The following RORA variants were observed in gnomAD, a reference collection of about 807,000 sequenced individuals.
RORA encodes nuclear receptor ROR-alpha.
RORA carries 7 observed loss-of-function variants against 69.5 expected under a neutral mutation model. The observed-to-expected ratio is 0.10, with a 90% CI of 0.06 to 0.19. RORA has a LOEUF of 0.19. RORA is among the 10% of genes least tolerant of loss of function. The probability of loss-of-function intolerance (pLI) is 1.00; values close to 1 mark genes in which losing one functional copy is unlikely to be tolerated. For synonymous variants in RORA, 261 were observed against 240.8 expected, an observed-to-expected ratio of 1.08 and a Z score of -0.78; for missense variants, 457 against 663.0, an observed-to-expected ratio of 0.69 and a Z score of 3.41.
intron 1 of RORA, among the ~76,000 whole-genome samples, chr15:61,164,210 G>T (rs1311931268): frequency 2.0e-5 from 3 of 151,804 alleles, no homozygotes; most frequent in African/African-American, 7.3e-5. Flanking sequence ...TTCTGACTTT[G>T]AGTATAAGGT....
Position 60,492,530 on chromosome 15 carries a change from T to A in RORA, c.*4925A>T, listed in dbSNP as rs2065060725. On this transcript the variant is annotated 3_prime_UTR_variant, in exon 11 of 11. Transcript: ENST00000335670. ...GTATTTTAAAAACATATTTCATCTT[T>A]TACCTATATCACTGTACTGATAGGC... The A allele has an allele frequency of 6.6e-6, 1 of 152,154 alleles. No individual in the cohort carries two copies. Among genetic ancestry groups the A allele is most frequent in the Non-Finnish European group, 1.5e-5 (1 of 68,016 alleles). The allele number at this position is 152,154 out of a possible 1,614,324, so 9.4% of individuals were successfully genotyped here. A position where few individuals can be genotyped will look rare whatever the true frequency, so the allele number is the denominator to read the frequency against.
Position 61,034,380 on chromosome 15 carries a change from T to A in RORA, c.166+194673A>T, listed in dbSNP as rs1896342293. ...GTTTCTCAGACTGCTTGAGTCAGTC[T>A]ATATAGAGGCTATTCCTGGATCTTA... On this transcript the variant is annotated intron_variant, in intron 1 of 10. Coordinates refer to ENST00000335670, the MANE Select transcript of RORA (RefSeq NM_134261.3). Among the ~76,000 whole-genome samples the A allele has an allele frequency of 2.0e-5, 3 of 152,196 alleles. No homozygotes were observed. The South Asian group carries it at 6.2e-4, about 32-fold the overall frequency.
chr15:61,212,938 T>C (rs2080006574), intron 1 of RORA, among the ~76,000 whole-genome samples: 1 of 152,216 alleles, frequency 6.6e-6, no homozygotes. Flanking sequence ...TCCAGCTCTC[T>C]AGCCTGGCCC....
At chr15:60,586,621 A>G (rs1479832094) in intron 2 of RORA, among the ~76,000 whole-genome samples, 10 of 152,186 alleles carry the variant, frequency 6.6e-5, no homozygotes. Context: ...TGCTTGATAT[A>G]AAAAGACTTT....
intron 1 of RORA, among the ~76,000 whole-genome samples, chr15:60,746,389 C>A (rs945389109): frequency 6.6e-6 from 1 of 151,984 alleles, no homozygotes; most frequent in African/African-American, 2.4e-5. Context: ...GTATGCCCTG[C>A]AGGTGTGTAT....
intron 2 of RORA, among the ~76,000 whole-genome samples, chr15:60,556,073 A>G (rs927415665): frequency 2.0e-5 from 3 of 152,286 alleles, no homozygotes; most frequent in Admixed American, 6.5e-5. Context: ...CCCCCACTTG[A>G]AAGAGCAATA....
chr15:60,809,175 T>A (rs1401665372), intron 1 of RORA, among the ~76,000 whole-genome samples: 2 of 150,124 alleles, frequency 1.3e-5, no homozygotes, highest in Non-Finnish European at 3.0e-5. Context: ...ATTGAAAAAA[T>A]AAATTAAAAA....
intron 1 of RORA, among the ~76,000 whole-genome samples, chr15:60,755,975 T>C (rs939017568): frequency 2.0e-5 from 3 of 152,184 alleles, no homozygotes; most frequent in African/African-American, 4.8e-5. Flanking sequence ...ACCGTCCTGG[T>C]ACAGGGGATG....
intron 1 of RORA, among the ~76,000 whole-genome samples, chr15:60,922,763 A>C (rs1892091476): frequency 6.6e-6 from 1 of 152,228 alleles, no homozygotes; most frequent in Non-Finnish European, 1.5e-5. Context: ...GCTTCCTAAA[A>C]ACACCCAGAG....
intron 5 of RORA, among the ~76,000 whole-genome samples, chr15:60,506,844 G>C (rs1012034440): frequency 6.6e-6 from 1 of 152,094 alleles, no homozygotes; most frequent in Non-Finnish European, 1.5e-5. Context: ...AAAATTAGCT[G>C]GGCGTGGTGG....
intron 1 of RORA, among the ~76,000 whole-genome samples, chr15:61,218,175 T>TTGTGTG (rs72135304): frequency 0.053 from 7,922 of 148,320 alleles, 535 homozygotes; most frequent in African/African-American, 0.16. Context: ...CATGAAATGT[T>TTGTGTG]TGTGTGTGTG....
intron 2 of RORA, among the ~76,000 whole-genome samples, chr15:60,645,797 GT>G (rs11332010): frequency 0.4 from 56,528 of 139,596 alleles, 10,865 homozygotes; most frequent in East Asian, 0.62. Flanking sequence ...GTGAAATAGG[GT>G]TTTTTTTTTT....
intron 1 of RORA, among the ~76,000 whole-genome samples, chr15:60,866,275 A>G (rs2073486214): frequency 6.6e-6 from 1 of 152,022 alleles, no homozygotes; most frequent in Non-Finnish European, 1.5e-5. Context: ...GATTTGTTTT[A>G]GCTCCCACAT....
chr15:60,516,724 C>T (rs773850334), intron 3 of RORA, among the ~76,000 whole-genome samples: 5 of 151,980 alleles, frequency 3.3e-5, no homozygotes, highest in East Asian at 1.9e-4. Flanking sequence ...AAGGAATACA[C>T]GTTAAAGAAA....
At chr15:60,542,848 C>T (rs928911141) in intron 2 of RORA, among the ~76,000 whole-genome samples, 2 of 144,956 alleles carry the variant, frequency 1.4e-5, no homozygotes, top group African/African-American at 5.2e-5. Context: ...CACACACGCA[C>T]CCACCCCACA....
intron 1 of RORA, among the ~76,000 whole-genome samples, chr15:61,078,377 T>A (rs2078486116): frequency 8.8e-6 from 1 of 113,180 alleles, no homozygotes; most frequent in African/African-American, 2.8e-5. Flanking sequence ...GTGTGTAGTT[T>A]TAGTAGAAAT....
intron 1 of RORA, among the ~76,000 whole-genome samples, chr15:60,940,144 G>A (rs1451357747): frequency 6.6e-6 from 1 of 152,130 alleles, no homozygotes; most frequent in Non-Finnish European, 1.5e-5. Context: ...AATAGTGATG[G>A]TGAACATTCT....
intron 3 of RORA, among the ~76,000 whole-genome samples, chr15:60,515,957 T>TTATA (rs374446786): frequency 0.19 from 3,255 of 17,562 alleles, 745 homozygotes; most frequent in African/African-American, 0.25. Context: ...ATTTATATAT[T>TTATA]TATATTTATA....
intron 2 of RORA, among the ~76,000 whole-genome samples, chr15:60,640,930 A>G (rs1305597042): frequency 1.5e-4 from 23 of 152,126 alleles, no homozygotes; most frequent in Admixed American, 1.4e-3. Flanking sequence ...GAGCTCCAGG[A>G]AAAAAGGGGA....
Sources: gnomAD v4.1 joint callset for allele counts (sites outside exome capture counted in the v4.1 genomes callset) on GRCh38, gnomAD v4.1.1 for gene constraint, MANE v1.5 for transcripts, NCBI Gene and HGNC (gene_info 2026-07-23, HGNC 2026-07-21) for gene names.